Variants in PDZD4 observed in about 807,000 individuals in gnomAD.
PDZD4 encodes PDZ domain-containing protein 4.
PDZD4 carries 9 observed loss-of-function variants against 38.5 expected under a neutral mutation model. That is an observed-to-expected ratio of 0.23 (90% CI 0.14 to 0.41). PDZD4 has a LOEUF of 0.41. Ranked by LOEUF, PDZD4 falls within the 10% of genes least tolerant of loss-of-function variation. The pLI is 1.00. For synonymous variants in PDZD4, 349 were observed against 315.7 expected, an observed-to-expected ratio of 1.11 and a Z score of -1.12; for missense variants, 612 against 722.0, an observed-to-expected ratio of 0.85 and a Z score of 1.75.
At chrX:153,807,123 G>A (rs1603262232) in intron 3 of PDZD4, among the ~76,000 whole-genome samples, 156 bp downstream of exon 3, 1 of 112,918 alleles carries the variant, frequency 8.9e-6, no homozygotes, top group Non-Finnish European at 1.9e-5. Flanking sequence ...TGGACTCACC[G>A]ACATGGACGG....
rs1350121742 is a variant in PDZD4 at position 153,818,341 on chromosome X, G to A, written c.61-9746C>T. ...GGTAGGGGGCAGGCGGTAGGGCTGA[G>A]GCAAGAGGATCACCTGAGCATTGGG... On this transcript the variant is annotated intron_variant, in intron 1 of 7. Coordinates refer to ENST00000393758, the MANE Select transcript of PDZD4 (RefSeq NM_001303512.2). Among the ~76,000 whole-genome samples the A allele has an allele frequency of 5.4e-5, 6 of 111,327 alleles. No individual in the cohort carries two copies. In the East Asian group the frequency reaches 1.7e-3, roughly 31 times the overall value.
chrX:153,807,204 T>C (rs1171173985), intron 3 of PDZD4, 75 bp downstream of exon 3: 2 of 1,068,263 alleles, frequency 1.9e-6, no homozygotes, highest in Non-Finnish European at 2.5e-6. Flanking sequence ...GGGTTGGGCC[T>C]GGGCAGGAAG....
chrX:153,806,645 G>A, intron 4 of PDZD4, 97 bp downstream of exon 4: 1 of 767,653 alleles, frequency 1.3e-6, no homozygotes, highest in South Asian at 2.2e-5. Context: ...TAGCTGTGAT[G>A]CCCTGTTTCT....
In PDZD4 at chrX:153,803,376, G is replaced by T. The variant is rs781793305; in HGVS notation, c.2305C>A (p.Leu769Ile). The change falls in exon 8 of 8, where the codon CTT becomes ATT. Residue 769 changes from leucine (L) to isoleucine (I), a missense_variant. By Grantham distance (5) the Leu-to-Ile change is conservative (BLOSUM62 2). This residue lies in a region of PDZD4 where 87 missense variants were observed against 126.3 expected (regional missense o/e 0.69). Transcript: ENST00000393758. ...SADGKRVYNP[L>I]LSVTTV ...GCTCACACGGTGGTGACTGAGAGAA[G>T]AGGGTTGTAGACCCGCTTGCCATCG... The T allele has an allele frequency of 2.6e-6, 3 of 1,135,355 alleles. No homozygotes were observed. In the African/African-American group the frequency reaches 5.5e-5, roughly 21 times the overall value. 93.6% of individuals were successfully genotyped at this position (1,135,355 alleles called of 1,213,427 possible).
chrX:153,805,378 A>AGGCCCC, intron 6 of PDZD4, 127 bp downstream of exon 6: 3 of 491,971 alleles, frequency 6.1e-6, no homozygotes, highest in Non-Finnish European at 7.0e-6. Flanking sequence ...GCCCTGAGAG[A>AGGCCCC]CCCCTGCCCA....
At chrX:153,811,925 T>C (rs2064313966) in intron 1 of PDZD4, among the ~76,000 whole-genome samples, 1 of 112,186 alleles carries the variant, frequency 8.9e-6, no homozygotes, top group Admixed American at 9.4e-5. Context: ...CAACTGAAGC[T>C]GGGAAATTTG....
intron 6 of PDZD4, 127 bp downstream of exon 6, chrX:153,805,378 A>AGGG: frequency 2.0e-6 from 1 of 491,982 alleles, no homozygotes; most frequent in Non-Finnish European, 3.5e-6. Context: ...GCCCTGAGAG[A>AGGG]CCCCTGCCCA....
In PDZD4 at chrX:153,806,098, C is replaced by A; in HGVS notation, c.540G>T (p.Arg180=). The A allele has an allele frequency of 8.3e-7, 1 of 1,211,787 alleles. No homozygotes were observed. The highest frequency in any genetic ancestry group is 1.1e-6 in the Non-Finnish European group (1 of 895,527). Residue 180 remains arginine (R), a synonymous_variant, in exon 5 of 8, where the codon CGG becomes CGT. Transcript: ENST00000393758. ...GGATGATGCGGTCTCCCTCACGGAT[C>A]CGGCCGTCTTTGGCTGCAATGCTGT... ...NPNSIAAKDG[R]IREGDRIIQI... is the part of the protein sequence containing the mutation.
chrX:153,806,210 GC>G (rs1165222170), intron 4 of PDZD4, 77 bp from the exon 5 acceptor site: 39 of 1,028,711 alleles, frequency 3.8e-5, no homozygotes, highest in Non-Finnish European at 4.8e-5. Flanking sequence ...CACCTCAGGG[GC>G]CCCCAAAGCA....
intron 1 of PDZD4, among the ~76,000 whole-genome samples, chrX:153,814,422 T>C (rs2064338362): frequency 9.3e-6 from 1 of 107,032 alleles, no homozygotes; most frequent in Non-Finnish European, 1.9e-5. Flanking sequence ...TGCAGTGAGC[T>C]GAGATTGCAC....
intron 1 of PDZD4, among the ~76,000 whole-genome samples, chrX:153,814,482 C>CG (rs1360910007): frequency 9.0e-5 from 7 of 77,582 alleles, no homozygotes; most frequent in South Asian, 1.2e-3. Flanking sequence ...CACCCCCCAC[C>CG]CCCCCCCCAA....
intron 1 of PDZD4, among the ~76,000 whole-genome samples, chrX:153,815,692 G>A (rs782258597): frequency 1.8e-5 from 2 of 110,148 alleles, no homozygotes; most frequent in Admixed American, 1.9e-4. Context: ...AAGGAGGAAT[G>A]AAGCACAGGC....
intron 1 of PDZD4, among the ~76,000 whole-genome samples, chrX:153,816,057 C>T (rs2064357896): frequency 1.0e-5 from 1 of 99,332 alleles, no homozygotes. Flanking sequence ...GTTGCGCTGC[C>T]TTCCGAGGGA....
In PDZD4 at chrX:153,804,336, G is replaced by C; in HGVS notation, c.1345C>G (p.Leu449Val). The C allele has an allele frequency of 8.3e-7, 1 of 1,206,843 alleles. No individual in the cohort carries two copies. Residue 449 changes from leucine to valine, a missense_variant, in exon 8 of 8, where the codon CTG becomes GTG. By Grantham distance (32) the Leu-to-Val change is conservative. Coordinates refer to ENST00000393758, the MANE Select transcript of PDZD4 (RefSeq NM_001303512.2). ...WLLEEESLYD[L>V]AASEPKKHEL... ...TGCTTCTTGGGCTCGCTGGCCGCCA[G>C]GTCGTAGAGGCTCTCCTCCTCCAGC...
In PDZD4 at chrX:153,808,350, G is replaced by A; in HGVS notation, c.306C>T (p.Leu102=). The A allele has an allele frequency of 8.3e-7, 1 of 1,207,532 alleles. No individual in the cohort carries two copies. The highest frequency in any genetic ancestry group is 1.1e-6 in the Non-Finnish European group (1 of 893,501). The change falls in exon 2 of 8, where the codon CTC becomes CTT. Residue 102 remains leucine, a synonymous_variant. Transcript: ENST00000393758. The part of the protein sequence containing the change: ...PPMVILEPYV[L]SELPPISHEY... Reference sequence around the variant, plus strand: ...TCCTGAGGGCGACTCACAGCTCAGAGAGGACGTACGGCTCCAGGATGACCA... The same window carrying A: ...TCCTGAGGGCGACTCACAGCTCAGAAAGGACGTACGGCTCCAGGATGACCA...
intron 1 of PDZD4, among the ~76,000 whole-genome samples, chrX:153,819,756 C>T (rs149543878): frequency 0.014 from 1,516 of 112,250 alleles, 31 homozygotes; most frequent in African/African-American, 0.045. Flanking sequence ...AAAGGAGAAG[C>T]CGCAGGCTCA....
intron 3 of PDZD4, among the ~76,000 whole-genome samples, 179 bp downstream of exon 3, chrX:153,807,100 C>T: frequency 8.9e-6 from 1 of 112,886 alleles, no homozygotes. Flanking sequence ...AGAAGACAGA[C>T]GTGCATGGGA....
Position 153,803,221 on chromosome X carries a change from C to G in PDZD4, c.*132G>C, listed in dbSNP as rs2092184821. The G allele has an allele frequency of 2.4e-6, 1 of 421,891 alleles. No homozygotes were observed. 34.8% of individuals were successfully genotyped at this position (421,891 alleles called of 1,213,427 possible). A position where few individuals can be genotyped will look rare whatever the true frequency, so the allele number is the denominator to read the frequency against. On this transcript the variant is annotated 3_prime_UTR_variant, in exon 8 of 8. Coordinates refer to ENST00000393758, the MANE Select transcript of PDZD4 (RefSeq NM_001303512.2). ...ACAAAGCCCTGTGCGCACACCCAGACGAGGAGATGTGTGCGTGCGCACAGC... is the reference window on the plus strand; with the variant it reads ...ACAAAGCCCTGTGCGCACACCCAGAGGAGGAGATGTGTGCGTGCGCACAGC...
At chrX:153,824,405 T>A (rs1195188488) in intron 1 of PDZD4, among the ~76,000 whole-genome samples, 1 of 111,634 alleles carries the variant, frequency 9.0e-6, no homozygotes, top group Non-Finnish European at 1.9e-5. Context: ...CTGAGTTGAC[T>A]GAGAGTCCAG....
Sources: allele counts gnomAD v4.1 joint callset (sites outside exome capture counted in the v4.1 genomes callset), GRCh38; gene constraint gnomAD v4.1.1; regional missense constraint gnomAD v4.1.1; transcripts MANE v1.5; gene names NCBI Gene and HGNC (gene_info 2026-07-23, HGNC 2026-07-21).